Variants in PITPNM3 observed in about 807,000 individuals in gnomAD.
The protein encoded by PITPNM3 is membrane-associated phosphatidylinositol transfer protein 3.
A neutral mutation model predicts 102.0 loss-of-function variants in PITPNM3; 26 were observed. The observed-to-expected ratio is 0.25, with a 90% CI of 0.19 to 0.35. The LOEUF is 0.35. Among genes scored for constraint, PITPNM3 ranks in the 10% least tolerant of loss-of-function variants. The pLI is 1.00. For synonymous variants in PITPNM3, 578 were observed against 558.6 expected, an observed-to-expected ratio of 1.03 and a Z score of -0.49; for missense variants, 1,083 against 1,346.1, an observed-to-expected ratio of 0.80 and a Z score of 3.06.
intron 2 of PITPNM3, among the ~76,000 whole-genome samples, chr17:6,527,751 G>T (rs1408154544): frequency 6.6e-6 from 1 of 152,192 alleles, no homozygotes; most frequent in Non-Finnish European, 1.5e-5. Flanking sequence ...CCTCCCTCCT[G>T]CTGGAATCCA....
Position 6,537,274 on chromosome 17 carries a change from T to TTC in PITPNM3, c.118+712_118+713insGA, listed in dbSNP as rs1555561248. Among the ~76,000 whole-genome samples, 135 of 146,292 alleles carry TTC rather than the reference T, an allele frequency of 9.2e-4. No individual in the cohort carries two copies. Among genetic ancestry groups the TTC allele is most frequent in the African/African-American group, 3.1e-3 (120 of 38,106 alleles). ...TTTCTTTCTTTTTTTTTTTTTTTTTTCTGAGACAGAGTATCGCTCTGTCTG... is the reference window on the plus strand; with the variant it reads ...TTTCTTTCTTTTTTTTTTTTTTTTTTTCCTGAGACAGAGTATCGCTCTGTCTG... On this transcript the variant is annotated intron_variant, in intron 2 of 19. Transcript: ENST00000262483. The surrounding 1 kb of genome is among the most constrained non-coding windows in gnomAD (Gnocchi z 4.4).
chr17:6,468,201 C>T lies in PITPNM3; in HGVS notation c.1890+24G>A, dbSNP rs1904881979. On this transcript the variant is annotated intron_variant, in intron 14 of 19. Transcript: ENST00000262483. This position sits in a 1 kb window ranked among gnomAD's most constrained non-coding sequence, Gnocchi z 5.2. ...CTCCCGGAGGACACAGTCCCAGCCA[C>T]ATGCGAACTGAGCATGCACGCACCC... 1.2e-6 allele frequency: 2 copies of T among 1,606,790 alleles called. No homozygotes were observed. The highest frequency in any genetic ancestry group is 1.7e-5 in the Admixed American group (1 of 60,020).
Position 6,464,202 on chromosome 17 carries a change from C to G in PITPNM3, c.2124G>C (p.Gly708=), listed in dbSNP as rs766085241. 2 of 1,614,218 alleles carry G rather than the reference C, an allele frequency of 1.2e-6. No individual in the cohort carries two copies. Among genetic ancestry groups the G allele is most frequent in the Non-Finnish European group, 1.7e-6 (2 of 1,180,030 alleles). ...CCATCTTCACAGGATAGACACCAAC[C>G]CCCAGGCGCCGGGGCCGCGGCACAT... ...TYNVPRPRRL[G]VGVYPVKMVV... is the part of the protein sequence containing the mutation. Residue 708 remains glycine (G), a synonymous_variant, in exon 16 of 20, where the codon GGG becomes GGC. Coordinates refer to ENST00000262483, the MANE Select transcript of PITPNM3 (RefSeq NM_031220.4).
intron 4 of PITPNM3, among the ~76,000 whole-genome samples, chr17:6,498,852 G>A (rs78327717): frequency 6.6e-6 from 1 of 152,268 alleles, no homozygotes; most frequent in African/African-American, 2.4e-5. Flanking sequence ...CCTACAGCCA[G>A]CACCATGGCA....
At chr17:6,496,459 C>T (rs1468586417) in intron 4 of PITPNM3, among the ~76,000 whole-genome samples, 1 of 152,184 alleles carries the variant, frequency 6.6e-6, no homozygotes, top group South Asian at 2.1e-4. Flanking sequence ...CTCTCCACTG[C>T]CCCGTGACCA....
rs1909551203 is a variant in PITPNM3, at chr17:6,538,226, G to A, written c.23-144C>T. The A allele has an allele frequency of 7.2e-6, 5 of 694,398 alleles. No homozygotes were observed. In the Admixed American group the frequency reaches 1.0e-4, roughly 14 times the overall value. The allele number at this position is 694,398 out of a possible 1,614,324, so 43.0% of individuals were successfully genotyped here. A position where few individuals can be genotyped will look rare whatever the true frequency, so the allele number is the denominator to read the frequency against. Reference sequence around the variant, plus strand: ...CCTCCGAGGCCTCAGACCTCACAGAGCCCTCCCTCTCCTGTGCTGTCATTG... The same window carrying A: ...CCTCCGAGGCCTCAGACCTCACAGAACCCTCCCTCTCCTGTGCTGTCATTG... On this transcript the variant is annotated intron_variant, in intron 1 of 19. Transcript: ENST00000262483.
At chr17:6,513,381 T>C (rs1348366433) in intron 3 of PITPNM3, among the ~76,000 whole-genome samples, 1 of 152,146 alleles carries the variant, frequency 6.6e-6, no homozygotes, top group Admixed American at 6.6e-5. Context: ...TCAAAGACGA[T>C]GTAATCCTAT....
Position 6,478,691 on chromosome 17 carries a change from C to T in PITPNM3, c.633G>A (p.Gln211=), listed in dbSNP as rs1187118450. ...SHDEGCLSSS[Q]DHVPLAALPL... ...GAAGGGCGGCCAGAGGGACGTGGTC[C>T]TGGCTGCTGCTGAGGCAGCCCTCAT... Residue 211 remains glutamine (Q), a synonymous_variant, in exon 7 of 20, where the codon CAG becomes CAA. Coordinates refer to ENST00000262483, the MANE Select transcript of PITPNM3 (RefSeq NM_031220.4). The surrounding 1 kb of genome is among the most constrained non-coding windows in gnomAD (Gnocchi z 4.4). The T allele has an allele frequency of 1.2e-6, 2 of 1,604,392 alleles. No homozygotes were observed. Among genetic ancestry groups the T allele is most frequent in the Non-Finnish European group, 1.7e-6 (2 of 1,175,428 alleles).
rs556314124 is a variant in PITPNM3, at chr17:6,537,311, C to T, written c.118+676G>A. ...TATCGCTCTGTCTGCAGTGCCATCTCGGCTCACTGCAACCTCTGCCTCCCG... is the reference window on the plus strand; with the variant it reads ...TATCGCTCTGTCTGCAGTGCCATCTTGGCTCACTGCAACCTCTGCCTCCCG... On this transcript the variant is annotated intron_variant, in intron 2 of 19. Coordinates refer to ENST00000262483, the MANE Select transcript of PITPNM3 (RefSeq NM_031220.4). The surrounding 1 kb of genome is among the most constrained non-coding windows in gnomAD (Gnocchi z 4.4). Among the ~76,000 whole-genome samples the T allele has an allele frequency of 3.4e-5, 5 of 145,226 alleles. No individual in the cohort carries two copies. The highest frequency in any genetic ancestry group is 7.8e-5 in the African/African-American group (3 of 38,400).
chr17:6,471,089 G>T (rs1905043582), intron 12 of PITPNM3, 72 bp downstream of exon 12: 1 of 1,554,372 alleles, frequency 6.4e-7, no homozygotes, highest in Non-Finnish European at 8.8e-7. Context: ...CTCTAGCAGT[G>T]GCCCAGCAAA....
chr17:6,505,226 CA>C (rs1487733612), intron 3 of PITPNM3, among the ~76,000 whole-genome samples: 4 of 125,422 alleles, frequency 3.2e-5, no homozygotes, highest in Non-Finnish European at 7.1e-5. Flanking sequence ...GTAAAGCCTT[CA>C]GAACACAGTC....
At position 6,472,065 on chromosome 17, in the gene PITPNM3, A is replaced by C. The variant is rs73975554; in HGVS notation, c.1429+592T>G. On this transcript the variant is annotated intron_variant, in intron 11 of 19. Transcript: ENST00000262483. The surrounding 1 kb of genome is among the most constrained non-coding windows in gnomAD (Gnocchi z 4.1). ...CGTGGAGCCAAGGCTCCGATTTCCA[A>C]GCTGCTGACTGTCCATTACAGGTCT... is the stretch of plus-strand genomic sequence containing the variant. 0.045 allele frequency among the ~76,000 whole-genome samples: 6,785 copies of C among 152,202 alleles called. 511 individuals carry two copies. Among genetic ancestry groups the C allele is most frequent in the African/African-American group, 0.15 (6,406 of 41,496 alleles).
intron 4 of PITPNM3, among the ~76,000 whole-genome samples, chr17:6,487,884 C>T (rs931663969): frequency 1.3e-5 from 2 of 152,208 alleles, no homozygotes; most frequent in African/African-American, 4.8e-5. Context: ...CAGGATTGTC[C>T]TCAGTATCCC....
intron 1 of PITPNM3, among the ~76,000 whole-genome samples, chr17:6,541,009 A>G (rs1909704888): frequency 6.6e-6 from 1 of 152,212 alleles, no homozygotes; most frequent in Non-Finnish European, 1.5e-5. Flanking sequence ...CCTCCCCTCC[A>G]GCAGGGGCTG....
At chr17:6,512,620 T>C (rs1255180571) in intron 3 of PITPNM3, among the ~76,000 whole-genome samples, 1 of 152,188 alleles carries the variant, frequency 6.6e-6, no homozygotes, top group African/African-American at 2.4e-5. Flanking sequence ...CAAGAGATGT[T>C]AATGCTGTTA....
chr17:6,482,036 GTCTGTCTCTCTCTCTCTCTC>G (rs1905757224), intron 6 of PITPNM3, among the ~76,000 whole-genome samples: 1 of 25,830 alleles, frequency 3.9e-5, no homozygotes, highest in African/African-American at 1.6e-4. Flanking sequence ...CTCTCTCTCT[GTCTGTCTCTCTCTCTCTCTC>G]TCTCTCTCTG....
At chr17:6,528,553 G>C (rs1258522243) in intron 2 of PITPNM3, among the ~76,000 whole-genome samples, 1 of 151,894 alleles carries the variant, frequency 6.6e-6, no homozygotes, top group Non-Finnish European at 1.5e-5. Flanking sequence ...GTGTGTACAT[G>C]CATGTGTGAG....
intron 4 of PITPNM3, among the ~76,000 whole-genome samples, chr17:6,502,206 T>C (rs1907224964): frequency 6.6e-6 from 1 of 152,238 alleles, no homozygotes; most frequent in Non-Finnish European, 1.5e-5. Context: ...TCCCAGAATT[T>C]TGGGAGACCA....
intron 2 of PITPNM3, among the ~76,000 whole-genome samples, chr17:6,534,654 T>A (rs1242242464): frequency 6.6e-6 from 1 of 152,138 alleles, no homozygotes; most frequent in East Asian, 1.9e-4. Flanking sequence ...AGTTTCCCTA[T>A]TAGTGCACTG....
Sources: gnomAD v4.1 joint callset for allele counts (sites outside exome capture counted in the v4.1 genomes callset) on GRCh38, gnomAD v4.1.1 for gene constraint, Gnocchi (gnomAD v3.1) non-coding constraint, MANE v1.5 for transcripts, NCBI Gene and HGNC (gene_info 2026-07-23, HGNC 2026-07-21) for gene names.